SLC35F6: variants seen among roughly 807,000 people sequenced by gnomAD.
The protein encoded by SLC35F6 is ANT2-binding protein.
SLC35F6 carries 26 observed loss-of-function variants against 29.4 expected under a neutral mutation model. The ratio of observed to expected loss-of-function variants is 0.89; its 90% confidence interval spans 0.65 to 1.23. The LOEUF (loss-of-function observed/expected upper bound fraction) is 1.23. SLC35F6 is among the 50% of genes most tolerant of loss of function. The probability of loss-of-function intolerance (pLI) is 0.00; values close to 1 mark genes in which losing one functional copy is unlikely to be tolerated. For synonymous variants in SLC35F6, 174 were observed against 206.6 expected (o/e 0.84, Z 1.35); for missense variants, 428 against 487.8 (o/e 0.88, Z 1.15).
At chr2:26,768,866 C>T (rs1269549942) in intron 1 of SLC35F6, among the ~76,000 whole-genome samples, 1 of 151,942 alleles carries the variant, frequency 6.6e-6, no homozygotes, top group Non-Finnish European at 1.5e-5. Flanking sequence ...TGGTCTCAAA[C>T]TCCTGGGCTC....
At chr2:26,772,263 A>C (rs1173175684) in intron 1 of SLC35F6, among the ~76,000 whole-genome samples, 1 of 152,182 alleles carries the variant, frequency 6.6e-6, no homozygotes. Context: ...CAGGAACCAG[A>C]GGACTCCCCC....
intron 1 of SLC35F6, among the ~76,000 whole-genome samples, chr2:26,771,899 C>T (rs828264): frequency 0.4 from 60,751 of 151,936 alleles, 12,528 homozygotes; most frequent in Admixed American, 0.49. Context: ...CTCCCTGTTC[C>T]ATAGCAGGCG....
rs1378810344 is a variant in SLC35F6 at position 26,779,142 on chromosome 2, T to A, written c.*631T>A. On this transcript the variant is annotated 3_prime_UTR_variant, in exon 6 of 6. Coordinates refer to ENST00000344420, the MANE Select transcript of SLC35F6 (RefSeq NM_017877.4). ...TGGGGTTTCACCATGTTGGCCAGGC[T>A]GGTCTCAAACTCCTGACCTCAGGTG... 2 of 152,276 alleles carry A rather than the reference T, an allele frequency of 1.3e-5. No homozygotes were observed. The highest frequency in any genetic ancestry group is 2.9e-5 in the Non-Finnish European group (2 of 68,114). The allele number at this position is 152,276 out of a possible 1,614,324, so 9.4% of individuals were successfully genotyped here.
intron 1 of SLC35F6, 37 bp from the exon 2 acceptor site, chr2:26,774,214 T>G (rs1439743922): frequency 1.2e-6 from 2 of 1,612,350 alleles, no homozygotes; most frequent in Admixed American, 1.7e-5. Context: ...CAGGGTAGGA[T>G]GCTGACAGGG....
Position 26,779,815 on chromosome 2 carries a change from CTTTTTTTTTT to C in SLC35F6, c.*1317_*1326del, listed in dbSNP as rs75851338. ...ACAGGCATGAGCCACCACGCCCAGC[CTTTTTTTTTT>C]TTTTTTTTTTTTCTTGAGAGACAGG... On this transcript the variant is annotated 3_prime_UTR_variant, in exon 6 of 6. Coordinates refer to ENST00000344420, the MANE Select transcript of SLC35F6 (RefSeq NM_017877.4). The C allele has an allele frequency of 8.5e-6, 1 of 118,318 alleles. No individual in the cohort carries two copies. Among genetic ancestry groups the C allele is most frequent in the Admixed American group, 8.7e-5 (1 of 11,490 alleles). 7.3% of individuals were successfully genotyped at this position (118,318 alleles called of 1,614,324 possible).
Position 26,778,118 on chromosome 2 carries a change from C to A in SLC35F6, c.723C>A (p.Asn241Lys). The change falls in exon 6 of 6, where the codon AAC (asparagine) becomes AAA (lysine). Residue 241 changes from asparagine to lysine, a missense_variant. By Grantham distance (94) the Asn-to-Lys change is moderately conservative. Transcript: ENST00000344420. The stretch of plus-strand genomic sequence containing the variant: ...TCCCCGCCGGCTCCTTCAGCGGAAA[C>A]CCTCGTGGGACACTGGAGGATGCAT... ...YYIPAGSFSG[N>K]PRGTLEDALD... 1 of 1,614,208 alleles carries A rather than the reference C, an allele frequency of 6.2e-7. No individual in the cohort carries two copies.
At chr2:26,773,165 A>G (rs1664228048) in intron 1 of SLC35F6, among the ~76,000 whole-genome samples, 2 of 152,148 alleles carry the variant, frequency 1.3e-5, no homozygotes, top group Admixed American at 1.3e-4. Context: ...GGCACAGCCT[A>G]TGGACCTCTT....
At chr2:26,776,239 G>GTGACTGTGCAGTGT (rs1257825514) in intron 4 of SLC35F6, 133 bp from the exon 5 acceptor site, 7 of 705,986 alleles carry the variant, frequency 9.9e-6, no homozygotes, top group Non-Finnish European at 1.7e-5. Flanking sequence ...ACAGGCAGTG[G>GTGACTGTGCAGTGT]TGACTGTGCC....
intron 1 of SLC35F6, among the ~76,000 whole-genome samples, chr2:26,768,841 C>T (rs945497428): frequency 1.3e-5 from 2 of 151,792 alleles, no homozygotes; most frequent in African/African-American, 4.8e-5. Flanking sequence ...CAGCGTCTTG[C>T]CATGTTTCCT....
At chr2:26,770,262 C>T (rs1664172217) in intron 1 of SLC35F6, among the ~76,000 whole-genome samples, 1 of 151,974 alleles carries the variant, frequency 6.6e-6, no homozygotes, top group African/African-American at 2.4e-5. Context: ...AAAAATTAGC[C>T]GGGCATGGTG....
chr2:26,770,430 G>A (rs1287446998), intron 1 of SLC35F6, among the ~76,000 whole-genome samples: 1 of 151,982 alleles, frequency 6.6e-6, no homozygotes, highest in African/African-American at 2.4e-5. Context: ...AAAAACAAAC[G>A]TTGTTGGCCG....
At position 26,775,805 on chromosome 2, in the gene SLC35F6, G is replaced by A. The variant is rs977863088; in HGVS notation, c.535+129G>A. ...CCTGGGTGAGGTGGGTAGCTCTGGA[G>A]GTGATGGATAGAATGTAGGGAAGAC... is the stretch of plus-strand genomic sequence containing the variant. On this transcript the variant is annotated intron_variant, in intron 4 of 5. Coordinates refer to ENST00000344420, the MANE Select transcript of SLC35F6 (RefSeq NM_017877.4). This position sits in a 1 kb window ranked among gnomAD's most constrained non-coding sequence, Gnocchi z 4.6. 10 of 1,064,628 alleles carry A rather than the reference G, an allele frequency of 9.4e-6. No homozygotes were observed. The African/African-American group carries it at 1.6e-4, about 17-fold the overall frequency. The allele number at this position is 1,064,628 out of a possible 1,614,324, so 65.9% of individuals were successfully genotyped here.
intron 5 of SLC35F6, 140 bp downstream of exon 5, chr2:26,776,622 C>T: frequency 1.5e-6 from 1 of 678,602 alleles, no homozygotes; most frequent in South Asian, 1.8e-5. Flanking sequence ...TTTGACAAGT[C>T]TTCTGACACC....
rs765948396 is a variant in SLC35F6 at position 26,776,448 on chromosome 2, CAA to C, written c.613_614del (p.Asn205CysfsTer10). ...VLEEKFVYKH[N>X]VHPLRAVGTE... is the part of the protein sequence containing the mutation. ...TAGAGGAGAAGTTCGTCTACAAACA[CAA>C]TGTGCACCCACTGCGGGCAGTTGGC... On this transcript the variant is annotated frameshift_variant, in exon 5 of 6. Coordinates refer to ENST00000344420, the MANE Select transcript of SLC35F6 (RefSeq NM_017877.4). LOFTEE classifies it high-confidence loss of function. 2 of 1,614,178 alleles carry C rather than the reference CAA, an allele frequency of 1.2e-6. No individual in the cohort carries two copies. Among genetic ancestry groups the C allele is most frequent in the Admixed American group, 3.3e-5 (2 of 60,020 alleles).
At chr2:26,769,425 G>A (rs1312721775) in intron 1 of SLC35F6, among the ~76,000 whole-genome samples, 1 of 152,256 alleles carries the variant, frequency 6.6e-6, no homozygotes, top group Non-Finnish European at 1.5e-5. Context: ...CACCTACTGG[G>A]CTGCCCCTCT....
intron 2 of SLC35F6, among the ~76,000 whole-genome samples, chr2:26,774,769 C>T (rs1664265854): frequency 6.6e-6 from 1 of 152,140 alleles, no homozygotes; most frequent in African/African-American, 2.4e-5. Context: ...TGGGTCTAGG[C>T]TTCTCCACCT....
intron 1 of SLC35F6, among the ~76,000 whole-genome samples, chr2:26,772,737 C>T (rs1238148281): frequency 1.3e-5 from 2 of 152,108 alleles, no homozygotes; most frequent in South Asian, 2.1e-4. Flanking sequence ...TCCCCAGGTA[C>T]CTAAAGGGCT....
rs2148058625 is a variant in SLC35F6 at position 26,775,289 on chromosome 2, A to G, written c.322+74A>G. The G allele has an allele frequency of 1.3e-6, 2 of 1,556,430 alleles. No homozygotes were observed. Among genetic ancestry groups the G allele is most frequent in the East Asian group, 4.5e-5 (2 of 44,298 alleles). ...AAGGGGCTACTGGTGAAACAGCCCT[A>G]TCCCACCCACCTCCACTTCATCCCA... On this transcript the variant is annotated intron_variant, in intron 3 of 5. Coordinates refer to ENST00000344420, the MANE Select transcript of SLC35F6 (RefSeq NM_017877.4). The surrounding 1 kb of genome is among the most constrained non-coding windows in gnomAD (Gnocchi z 4.6).
At chr2:26,765,151 G>A (rs1463694871) in intron 1 of SLC35F6, among the ~76,000 whole-genome samples, 1 of 152,258 alleles carries the variant, frequency 6.6e-6, no homozygotes, top group Non-Finnish European at 1.5e-5. Flanking sequence ...ACTAGGAGGT[G>A]GCAGTGAGAA....
Sources: gnomAD v4.1 joint callset for allele counts (sites outside exome capture counted in the v4.1 genomes callset) on GRCh38, gnomAD v4.1.1 for gene constraint, Gnocchi (gnomAD v3.1) non-coding constraint, MANE v1.5 for transcripts, NCBI Gene and HGNC (gene_info 2026-07-23, HGNC 2026-07-21) for gene names.